The following GCNT2 variants were observed in gnomAD, a reference collection of about 807,000 sequenced individuals.
GCNT2 encodes glucosaminyl (N-acetyl) transferase 2 (I blood group), also known as N-acetyllactosaminide beta-1,6-N-acetylglucosaminyl-transferase.
GCNT2 carries 34 observed loss-of-function variants against 34.2 expected under a neutral mutation model. That is an observed-to-expected ratio of 1.00 (90% CI 0.76 to 1.32). The LOEUF (loss-of-function observed/expected upper bound fraction) is 1.32, where lower values mean the gene tolerates loss of function less well. GCNT2 is among the 40% of genes most tolerant of loss of function. The pLI is 0.00. For missense variants in GCNT2, 584 were observed against 489.4 expected, an observed-to-expected ratio of 1.19 and a Z score of -1.82; for synonymous variants, 212 against 188.0, an observed-to-expected ratio of 1.13 and a Z score of -1.04.
rs1321211723 is a variant in GCNT2 at position 10,585,623 on chromosome 6, C to T, written c.926-35728C>T. On this transcript the variant is annotated intron_variant, in intron 3 of 4. Transcript: ENST00000495262. ...AGGGTGAAGCAAGAGAAACTCGGCT[C>T]CAGTGAAAAGGACCCATCATTGCAT... The T allele has an allele frequency of 9.2e-6, 3 of 325,060 alleles. No individual in the cohort carries two copies. In the East Asian group the frequency reaches 2.5e-4, roughly 27 times the overall value. The allele number at this position is 325,060 out of a possible 1,614,324, so 20.1% of individuals were successfully genotyped here.
At chr6:10,575,219 G>A in intron 3 of GCNT2, 1 of 357,046 alleles carries the variant, frequency 2.8e-6, no homozygotes, top group Non-Finnish European at 5.4e-6. Flanking sequence ...TTTCCTTTGT[G>A]TTCGTCATCT....
In GCNT2 at chr6:10,582,481, TATATACTATAATATATA is replaced by T. The variant is rs1325323866; in HGVS notation, c.926-38864_926-38848del. 3.0e-3 allele frequency among the ~76,000 whole-genome samples: 380 copies of T among 125,466 alleles called. 7 individuals carry two copies. The highest frequency in any genetic ancestry group is 0.012 in the African/African-American group (365 of 30,004). The allele number at this position is 125,466 out of a possible 152,430, so 82.3% of individuals were successfully genotyped here. A position where few individuals can be genotyped will look rare whatever the true frequency, so the allele number is the denominator to read the frequency against. On this transcript the variant is annotated intron_variant, in intron 3 of 4. Coordinates refer to ENST00000495262, the MANE Select transcript of GCNT2 (RefSeq NM_145649.5). ...ATAATAAATATAATATATACTATAA[TATATACTATAATATATA>T]ATATAATACATCATATATTATATTA... is the stretch of plus-strand genomic sequence containing the variant.
rs755202412 is a variant in GCNT2, at chr6:10,528,956, C to T, written c.45C>T (p.Ile15=). The T allele has an allele frequency of 6.2e-7, 1 of 1,613,982 alleles. No individual in the cohort carries two copies. Among genetic ancestry groups the T allele is most frequent in the South Asian group, 1.1e-5 (1 of 91,082 alleles). The change falls in exon 3 of 5, where the codon ATC becomes ATT. Residue 15 remains isoleucine (I), a synonymous_variant. Coordinates refer to ENST00000495262, the MANE Select transcript of GCNT2 (RefSeq NM_145649.5). ...ACTGTCTTTTTAGCGCGTCTCTTAT[C>T]TCTGCCCTGATTTTTGTATTTGTTT... The part of the protein sequence containing the change: ...WKHCLFSASL[I]SALIFVFVYN...
At chr6:10,598,886 T>C (rs888004202) in intron 3 of GCNT2, among the ~76,000 whole-genome samples, 2 of 152,188 alleles carry the variant, frequency 1.3e-5, no homozygotes, top group Non-Finnish European at 2.9e-5. Flanking sequence ...ATGGAGATAC[T>C]AACATTACCT....
chr6:10,588,751 G>GGT (rs1764460448), intron 3 of GCNT2, among the ~76,000 whole-genome samples: 1 of 149,966 alleles, frequency 6.7e-6, no homozygotes, highest in South Asian at 2.1e-4. Flanking sequence ...ATGCTTGTGT[G>GGT]GTGTGTGTGT....
In GCNT2 at chr6:10,528,871, T is replaced by TCA. The variant is rs765934996; in HGVS notation, c.-41_-40insCA. 2 of 1,446,692 alleles carry TCA rather than the reference T, an allele frequency of 1.4e-6. No individual in the cohort carries two copies. Among genetic ancestry groups the TCA allele is most frequent in the Non-Finnish European group, 1.9e-6 (2 of 1,028,254 alleles). 89.6% of individuals were successfully genotyped at this position (1,446,692 alleles called of 1,614,324 possible). A position where few individuals can be genotyped will look rare whatever the true frequency, so the allele number is the denominator to read the frequency against. On this transcript the variant is annotated 5_prime_UTR_variant, in exon 3 of 5. Transcript: ENST00000495262. ...GTTAAATATATCTACACTCTGATCC[T>TCA]ATCTCAAGAGAGAGATATTTTACTC...
intron 3 of GCNT2, among the ~76,000 whole-genome samples, chr6:10,589,798 T>C (rs970444122): frequency 6.6e-6 from 1 of 152,182 alleles, no homozygotes; most frequent in Admixed American, 6.5e-5. Context: ...GACTTTAAGT[T>C]CACTACAGAT....
At chr6:10,542,848 C>G (rs1762094866) in intron 3 of GCNT2, among the ~76,000 whole-genome samples, 1 of 149,204 alleles carries the variant, frequency 6.7e-6, no homozygotes, top group African/African-American at 2.5e-5. Flanking sequence ...TTTCATTTCT[C>G]CTGGGTAGAT....
chr6:10,539,249 G>C (rs1761927746), intron 3 of GCNT2, among the ~76,000 whole-genome samples: 2 of 143,120 alleles, frequency 1.4e-5, no homozygotes, highest in Admixed American at 7.3e-5. Context: ...GAGTGCAGTG[G>C]TGCGATCTCG....
chr6:10,608,277 A>G (rs1028126040), intron 3 of GCNT2, among the ~76,000 whole-genome samples: 13 of 152,078 alleles, frequency 8.5e-5, no homozygotes, highest in Middle Eastern at 3.4e-3. Flanking sequence ...GGGTTTCTCC[A>G]TGTTGGTCAG....
At chr6:10,543,693 A>G (rs1192640354) in intron 3 of GCNT2, among the ~76,000 whole-genome samples, 2 of 152,182 alleles carry the variant, frequency 1.3e-5, no homozygotes, top group Non-Finnish European at 1.5e-5. Flanking sequence ...GTCCCTAATT[A>G]ACAATGATGT....
chr6:10,528,694 T>G lies in GCNT2; in HGVS notation c.-218T>G, dbSNP rs1490629014. The G allele has an allele frequency of 3.3e-6, 2 of 598,396 alleles. No homozygotes were observed. The highest frequency in any genetic ancestry group is 2.9e-5 in the Admixed American group (1 of 33,958). The allele number at this position is 598,396 out of a possible 1,614,324, so 37.1% of individuals were successfully genotyped here. ...ATGCAAAGGAGCCACTTCAGAAATG[T>G]GTCACAGAAAAGTGAAAATGCAACC... On this transcript the variant is annotated 5_prime_UTR_variant, in exon 3 of 5. Transcript: ENST00000495262.
chr6:10,565,901 T>C (rs186969759), intron 3 of GCNT2, among the ~76,000 whole-genome samples: 25 of 152,350 alleles, frequency 1.6e-4, no homozygotes, highest in African/African-American at 5.8e-4. Flanking sequence ...CATGCACCCA[T>C]GATCATGCGA....
rs1766366378 is a variant in GCNT2, at chr6:10,628,666, G to C, written c.*2059G>C. On this transcript the variant is annotated 3_prime_UTR_variant, in exon 5 of 5. Transcript: ENST00000495262. ...GTATTTGAGATGGGGCCTTTGGTAAGGGAAGTTTAGATGAGGTCACGAGGG... is the reference window on the plus strand; with the variant it reads ...GTATTTGAGATGGGGCCTTTGGTAACGGAAGTTTAGATGAGGTCACGAGGG... 1 of 152,278 alleles carries C rather than the reference G, an allele frequency of 6.6e-6. No homozygotes were observed. Among genetic ancestry groups the C allele is most frequent in the African/African-American group, 2.4e-5 (1 of 41,460 alleles). 9.4% of individuals were successfully genotyped at this position (152,278 alleles called of 1,614,324 possible). A position where few individuals can be genotyped will look rare whatever the true frequency, so the allele number is the denominator to read the frequency against.
chr6:10,557,002 C>G (rs201670024), intron 3 of GCNT2: 1 of 1,613,600 alleles, frequency 6.2e-7, no homozygotes. Flanking sequence ...GGCAAGACTT[C>G]CCCCTGAAAA....
At chr6:10,528,608 T>A (rs909533797) in intron 2 of GCNT2, 23 bp from the exon 3 acceptor site, 3 of 444,838 alleles carry the variant, frequency 6.7e-6, no homozygotes, top group Middle Eastern at 6.7e-4. Flanking sequence ...AGAACCTCTC[T>A]GAGGACATCT....
At chr6:10,613,158 A>G (rs1022942631) in intron 3 of GCNT2, among the ~76,000 whole-genome samples, 23 of 152,256 alleles carry the variant, frequency 1.5e-4, no homozygotes. Flanking sequence ...CAAACTGTGT[A>G]AGAATAATGA....
rs935037647 is a variant in GCNT2, at chr6:10,586,757, T to C, written c.926-34594T>C. ...ATATTTTGAAAACTTCACCTCCACA[T>C]CAGCTGACCATCTACTTTGGCACTG... On this transcript the variant is annotated intron_variant, in intron 3 of 4. Transcript: ENST00000495262. 3 of 1,614,038 alleles carry C rather than the reference T, an allele frequency of 1.9e-6. No individual in the cohort carries two copies. The African/African-American group carries it at 4.0e-5, about 22-fold the overall frequency.
chr6:10,585,970 T>TC, intron 3 of GCNT2: 6 of 1,613,308 alleles, frequency 3.7e-6, no homozygotes, highest in Non-Finnish European at 5.1e-6. Flanking sequence ...AGAGATTGTT[T>TC]CCCCAGGGAA....
Sources: allele counts gnomAD v4.1 joint callset (sites outside exome capture counted in the v4.1 genomes callset), GRCh38; gene constraint gnomAD v4.1.1; transcripts MANE v1.5; gene names NCBI Gene and HGNC (gene_info 2026-07-23, HGNC 2026-07-21).